EPHA6: variants seen among roughly 807,000 people sequenced by gnomAD.
The protein encoded by EPHA6 is EPH receptor A6, also known as ephrin type-A receptor 6.
EPHA6 carries 50 observed loss-of-function variants against 112.0 expected under a neutral mutation model. That is an observed-to-expected ratio of 0.45 (90% CI 0.36 to 0.56). EPHA6 has a LOEUF of 0.56. Ranked by LOEUF, EPHA6 falls within the 20% of genes least tolerant of loss-of-function variation. The pLI, the probability that EPHA6 is intolerant of heterozygous loss-of-function variation, is 0.00. For missense variants in EPHA6, 1,280 were observed against 1,417.4 expected (o/e 0.90, Z 1.56); for synonymous variants, 529 against 490.7 (o/e 1.08, Z -1.03).
At position 96,834,910 on chromosome 3, in the gene EPHA6, G is replaced by A. The variant is rs993012921; in HGVS notation, c.385+19902G>A. ...AGATGGGGTTTATGAGCAGGTGTCC[G>A]GCCATACAACAATTATAATAATAAT... On this transcript the variant is annotated intron_variant, in intron 1 of 17. Transcript: ENST00000389672. Among the ~76,000 whole-genome samples, 5 of 151,758 alleles carry A rather than the reference G, an allele frequency of 3.3e-5. No individual in the cohort carries two copies. In the East Asian group the frequency reaches 7.8e-4, roughly 24 times the overall value.
At chr3:97,634,376 T>C (rs1286512561) in intron 13 of EPHA6, among the ~76,000 whole-genome samples, 2 of 152,066 alleles carry the variant, frequency 1.3e-5, no homozygotes, top group South Asian at 2.1e-4. Flanking sequence ...GTAGAGCTTT[T>C]TTCTTTTCGT....
intron 3 of EPHA6, among the ~76,000 whole-genome samples, chr3:97,096,862 A>G (rs1312322073): frequency 1.3e-5 from 2 of 151,896 alleles, no homozygotes; most frequent in East Asian, 1.9e-4. Flanking sequence ...AGCAAAAGAC[A>G]TATGTCAAAT....
chr3:97,657,657 G>A (rs2094145048), intron 14 of EPHA6, among the ~76,000 whole-genome samples: 1 of 151,748 alleles, frequency 6.6e-6, no homozygotes, highest in African/African-American at 2.4e-5. Flanking sequence ...AATGTTATAA[G>A]AACGAACAGG....
At chr3:97,662,068 A>G (rs544499592) in intron 14 of EPHA6, among the ~76,000 whole-genome samples, 1 of 152,254 alleles carries the variant, frequency 6.6e-6, no homozygotes, top group East Asian at 1.9e-4. Context: ...GGTCCTAGTG[A>G]CCCTTTGTAG....
At position 97,037,970 on chromosome 3, in the gene EPHA6, CATTT is replaced by C. The variant is rs551898152; in HGVS notation, c.1114+49993_1114+49996del. 3.0e-3 allele frequency among the ~76,000 whole-genome samples: 455 copies of C among 151,470 alleles called. 5 individuals are homozygous for C. In the South Asian group the frequency reaches 0.045, roughly 15 times the overall value. ...TGTTAAATATGAAATTGTAGTGAGG[CATTT>C]ATTTATTTATTTATTCATTGAGAGT... On this transcript the variant is annotated intron_variant, in intron 3 of 17. Coordinates refer to ENST00000389672, the MANE Select transcript of EPHA6 (RefSeq NM_001080448.3).
chr3:97,540,579 A>G (rs1452661620), intron 11 of EPHA6, among the ~76,000 whole-genome samples: 1 of 152,198 alleles, frequency 6.6e-6, no homozygotes, highest in Non-Finnish European at 1.5e-5. Context: ...AATTACCTCT[A>G]ACCTATTCCC....
At chr3:97,372,893 G>T (rs1412438659) in intron 5 of EPHA6, among the ~76,000 whole-genome samples, 1 of 152,054 alleles carries the variant, frequency 6.6e-6, no homozygotes, top group East Asian at 1.9e-4. Context: ...GATCAAGGAG[G>T]TTACAAAAGG....
intron 1 of EPHA6, among the ~76,000 whole-genome samples, chr3:96,859,222 G>A (rs1266288657): frequency 6.6e-6 from 1 of 151,830 alleles, no homozygotes; most frequent in Non-Finnish European, 1.5e-5. Flanking sequence ...GTCTTGATTT[G>A]GCTGTAATGT....
At chr3:97,387,921 G>A (rs1394967735) in intron 5 of EPHA6, among the ~76,000 whole-genome samples, 1 of 152,152 alleles carries the variant, frequency 6.6e-6, no homozygotes, top group Non-Finnish European at 1.5e-5. Flanking sequence ...AGCAGAAGGT[G>A]AAGGGGAAGC....
At chr3:97,422,315 C>A (rs1023369148) in intron 6 of EPHA6, among the ~76,000 whole-genome samples, 2 of 151,996 alleles carry the variant, frequency 1.3e-5, no homozygotes, top group Non-Finnish European at 2.9e-5. Flanking sequence ...CAATTGAAAA[C>A]CTTATGTAAG....
intron 3 of EPHA6, among the ~76,000 whole-genome samples, chr3:97,175,027 T>C (rs1275274531): frequency 1.3e-5 from 2 of 152,024 alleles, no homozygotes; most frequent in African/African-American, 4.8e-5. Flanking sequence ...TTTCATAGTT[T>C]GAGGTCTTAG....
At chr3:96,823,304 A>C (rs2033411537) in intron 1 of EPHA6, among the ~76,000 whole-genome samples, 1 of 151,740 alleles carries the variant, frequency 6.6e-6, no homozygotes, top group Admixed American at 6.6e-5. Context: ...AGCTATAAAC[A>C]TACCAATGAT....
chr3:97,502,872 G>A (rs996630599), intron 10 of EPHA6, among the ~76,000 whole-genome samples: 1 of 142,032 alleles, frequency 7.0e-6, no homozygotes, highest in Non-Finnish European at 1.5e-5. Context: ...TCAACATAGT[G>A]GATTATTATG....
intron 5 of EPHA6, among the ~76,000 whole-genome samples, chr3:97,309,810 A>G (rs1168837997): frequency 2.0e-5 from 3 of 151,700 alleles, no homozygotes; most frequent in Non-Finnish European, 4.4e-5. Flanking sequence ...ATTTATGATG[A>G]ACAAACAAAA....
intron 6 of EPHA6, among the ~76,000 whole-genome samples, chr3:97,422,469 C>T (rs2088748663): frequency 2.0e-5 from 3 of 152,084 alleles, no homozygotes; most frequent in Admixed American, 2.0e-4. Flanking sequence ...TTTTTAGAGA[C>T]CTCTGAAGAG....
chr3:97,730,531 C>T (rs1449173528), intron 15 of EPHA6, among the ~76,000 whole-genome samples: 1 of 151,970 alleles, frequency 6.6e-6, no homozygotes, highest in East Asian at 1.9e-4. Context: ...TATCATAAAA[C>T]CAAACTGTTA....
chr3:97,544,420 C>G (rs1294762823), intron 11 of EPHA6, among the ~76,000 whole-genome samples: 2 of 152,162 alleles, frequency 1.3e-5, no homozygotes, highest in Non-Finnish European at 2.9e-5. Context: ...GTTGAACCAG[C>G]CTTGCATCCC....
At chr3:97,385,211 A>C (rs1161707093) in intron 5 of EPHA6, among the ~76,000 whole-genome samples, 1 of 152,172 alleles carries the variant, frequency 6.6e-6, no homozygotes, top group Non-Finnish European at 1.5e-5. Flanking sequence ...TAAGAGACCA[A>C]GAAAGATATT....
chr3:96,920,190 C>T (rs1331199065), intron 2 of EPHA6, among the ~76,000 whole-genome samples: 1 of 151,882 alleles, frequency 6.6e-6, no homozygotes, highest in East Asian at 1.9e-4. Flanking sequence ...TTTTGTGCTT[C>T]TGTGAACTTT....
Sources: gnomAD v4.1 joint callset for allele counts (sites outside exome capture counted in the v4.1 genomes callset) on GRCh38, gnomAD v4.1.1 for gene constraint, MANE v1.5 for transcripts, NCBI Gene and HGNC (gene_info 2026-07-23, HGNC 2026-07-21) for gene names.